Variants in IQCH observed in about 807,000 individuals in gnomAD.
IQCH encodes the protein IQ motif containing H, also known as IQ domain-containing protein H.
IQCH carries 98 observed loss-of-function variants against 117.0 expected under a neutral mutation model. That is an observed-to-expected ratio of 0.84 (90% CI 0.71 to 0.99). The LOEUF is 0.99. IQCH is among the 50% of genes least tolerant of loss of function. The pLI, the probability that IQCH is intolerant of heterozygous loss-of-function variation, is 0.00. For synonymous variants in IQCH, 412 were observed against 448.2 expected (o/e 0.92, Z 1.02); for missense variants, 1,102 against 1,243.8 (o/e 0.89, Z 1.72).
rs756443039 is a variant in IQCH, at chr15:67,345,527, G to A, written c.637+1336G>A. 3.9e-5 allele frequency among the ~76,000 whole-genome samples: 6 copies of A among 152,158 alleles called. No homozygotes were observed. The South Asian group carries it at 1.2e-3, about 32-fold the overall frequency. ...TATCATGTGCCCCCTAATATGACAC[G>A]ATGAGGAAGGACTTCACCTTTATGT... On this transcript the variant is annotated intron_variant, in intron 6 of 20. Coordinates refer to ENST00000335894, the MANE Select transcript of IQCH (RefSeq NM_001031715.3).
At chr15:67,305,691 C>T (rs947545230) in intron 4 of IQCH, among the ~76,000 whole-genome samples, 1 of 152,028 alleles carries the variant, frequency 6.6e-6, no homozygotes, top group Admixed American at 6.6e-5. Flanking sequence ...GAGGCAACTG[C>T]TGTGTTTCAT....
intron 4 of IQCH, among the ~76,000 whole-genome samples, chr15:67,327,229 G>T (rs1316541710): frequency 6.6e-6 from 1 of 152,102 alleles, no homozygotes; most frequent in African/African-American, 2.4e-5. Context: ...AAGTAAATAT[G>T]ATTTCTTTTT....
intron 10 of IQCH, among the ~76,000 whole-genome samples, chr15:67,379,344 T>C (rs975167593): frequency 5.9e-5 from 9 of 152,358 alleles, no homozygotes; most frequent in African/African-American, 1.9e-4. Flanking sequence ...AAGTGTTAGT[T>C]GCAATGTGGA....
At chr15:67,434,813 T>C (rs1188747164) in intron 16 of IQCH, among the ~76,000 whole-genome samples, 1 of 149,140 alleles carries the variant, frequency 6.7e-6, no homozygotes, top group Non-Finnish European at 1.5e-5. Context: ...AGACGGAGTC[T>C]GACTCTGTTG....
chr15:67,355,030 G>C (rs1969829745), intron 6 of IQCH, among the ~76,000 whole-genome samples: 2 of 152,090 alleles, frequency 1.3e-5, no homozygotes, highest in African/African-American at 4.8e-5. Flanking sequence ...GGATGTCCAG[G>C]GATAGGGTTA....
At chr15:67,487,335 AAAC>A (rs757218849) in intron 18 of IQCH, among the ~76,000 whole-genome samples, 1 of 152,126 alleles carries the variant, frequency 6.6e-6, no homozygotes, top group Non-Finnish European at 1.5e-5. Flanking sequence ...TCTGTCTCAA[AAAC>A]AACAACAAAA....
chr15:67,397,524 A>T (rs1388296316), intron 13 of IQCH, among the ~76,000 whole-genome samples: 1 of 152,358 alleles, frequency 6.6e-6, no homozygotes, highest in East Asian at 1.9e-4. Context: ...ATTTTTCCAG[A>T]TAGTGACTAC....
chr15:67,337,395 A>G (rs1968943710), intron 5 of IQCH, among the ~76,000 whole-genome samples: 1 of 152,210 alleles, frequency 6.6e-6, no homozygotes, highest in Non-Finnish European at 1.5e-5. Context: ...ATTAGAATTT[A>G]TTAAGTTTCT....
chr15:67,309,510 T>C (rs931586650), intron 4 of IQCH, among the ~76,000 whole-genome samples: 1 of 152,104 alleles, frequency 6.6e-6, no homozygotes, highest in East Asian at 1.9e-4. Flanking sequence ...CTGTCTAGTC[T>C]CTGCTCTGAA....
Position 67,365,795 on chromosome 15 carries a change from T to G in IQCH, c.753+5910T>G, listed in dbSNP as rs568168624. Among the ~76,000 whole-genome samples the G allele has an allele frequency of 1.7e-3, 253 of 152,278 alleles. No homozygotes were observed. The highest frequency in any genetic ancestry group is 2.9e-3 in the Non-Finnish European group (195 of 68,022). On this transcript the variant is annotated intron_variant, in intron 8 of 20. Coordinates refer to ENST00000335894, the MANE Select transcript of IQCH (RefSeq NM_001031715.3). This position sits in a 1 kb window ranked among gnomAD's most constrained non-coding sequence, Gnocchi z 4.4. ...AAATATAAAAGTTAGCCGGGTGTGG[T>G]GGCGCGTGCCTGTAATCCTGGCTGC...
At chr15:67,489,386 C>T (rs1342972948) in intron 18 of IQCH, among the ~76,000 whole-genome samples, 2 of 151,980 alleles carry the variant, frequency 1.3e-5, no homozygotes, top group East Asian at 1.9e-4. Context: ...AGTGCAATGG[C>T]GTGACCTCGG....
intron 16 of IQCH, among the ~76,000 whole-genome samples, chr15:67,429,859 G>A (rs1307086377): frequency 6.6e-6 from 1 of 152,194 alleles, no homozygotes; most frequent in Non-Finnish European, 1.5e-5. Flanking sequence ...AAAAGAAAGT[G>A]GAGAATTCTT....
At position 67,359,661 on chromosome 15, in the gene IQCH, A is replaced by T. The variant is rs932162115; in HGVS notation, c.715-186A>T. Among the ~76,000 whole-genome samples, 5 of 152,254 alleles carry T rather than the reference A, an allele frequency of 3.3e-5. No individual in the cohort carries two copies. The highest frequency in any genetic ancestry group is 3.3e-4 in the Admixed American group (5 of 15,282). On this transcript the variant is annotated intron_variant, in intron 7 of 20. Coordinates refer to ENST00000335894, the MANE Select transcript of IQCH (RefSeq NM_001031715.3). This position sits in a 1 kb window ranked among gnomAD's most constrained non-coding sequence, Gnocchi z 4.5. Reference sequence around the variant, plus strand: ...TCAAAGCAAACGGGGCTTGGCAAACAGAGCATCGTTGTCAGTGTGGGAAAG... The same window carrying T: ...TCAAAGCAAACGGGGCTTGGCAAACTGAGCATCGTTGTCAGTGTGGGAAAG...
intron 4 of IQCH, among the ~76,000 whole-genome samples, chr15:67,334,980 G>A (rs1320722642): frequency 6.6e-6 from 1 of 152,120 alleles, no homozygotes; most frequent in African/African-American, 2.4e-5. Flanking sequence ...GTGGACAGAT[G>A]TTTCCTATCC....
In IQCH at chr15:67,459,947, A is replaced by T. The variant is rs1213312853; in HGVS notation, c.2506-5180A>T. The stretch of plus-strand genomic sequence containing the variant: ...AGTATCATTTGAACGCAGGAGTTTG[A>T]GACCAGCCTGGGCAACAAGATCTTG... On this transcript the variant is annotated intron_variant, in intron 16 of 20. Coordinates refer to ENST00000335894, the MANE Select transcript of IQCH (RefSeq NM_001031715.3). The surrounding 1 kb of genome is among the most constrained non-coding windows in gnomAD (Gnocchi z 4.2). The T allele has an allele frequency of 6.6e-6, 1 of 152,154 alleles. No individual in the cohort carries two copies. The highest frequency in any genetic ancestry group is 1.5e-5 in the Non-Finnish European group (1 of 68,052). 9.4% of individuals were successfully genotyped at this position (152,154 alleles called of 1,614,324 possible).
intron 14 of IQCH, among the ~76,000 whole-genome samples, chr15:67,414,498 T>C (rs2081525742): frequency 6.6e-6 from 1 of 151,832 alleles, no homozygotes; most frequent in Non-Finnish European, 1.5e-5. Flanking sequence ...GAGGCCACAT[T>C]AGGAGCCAGA....
chr15:67,434,580 T>A (rs924646034), intron 16 of IQCH, among the ~76,000 whole-genome samples: 2 of 152,222 alleles, frequency 1.3e-5, no homozygotes, highest in African/African-American at 4.8e-5. Context: ...AGTGCAGATA[T>A]CTCTTCAAGA....
chr15:67,287,583 A>G (rs1198915896), intron 4 of IQCH, among the ~76,000 whole-genome samples: 1 of 151,386 alleles, frequency 6.6e-6, no homozygotes, highest in Non-Finnish European at 1.5e-5. Context: ...GCCACTAATG[A>G]TCTTTTGAAT....
intron 16 of IQCH, among the ~76,000 whole-genome samples, chr15:67,451,309 T>C (rs1045961423): frequency 6.6e-6 from 1 of 152,162 alleles, no homozygotes; most frequent in African/African-American, 2.4e-5. Flanking sequence ...CTTTTAATTG[T>C]GATGTTAGGG....
Sources: gnomAD v4.1 joint callset for allele counts (sites outside exome capture counted in the v4.1 genomes callset) on GRCh38, gnomAD v4.1.1 for gene constraint, Gnocchi (gnomAD v3.1) non-coding constraint, MANE v1.5 for transcripts, NCBI Gene and HGNC (gene_info 2026-07-23, HGNC 2026-07-21) for gene names.